The following PCSK6 variants were observed in gnomAD, a reference collection of about 807,000 sequenced individuals.
The protein encoded by PCSK6 is paired basic amino acid cleaving enzyme 4.
PCSK6 carries 85 observed loss-of-function variants against 123.3 expected under a neutral mutation model. The ratio of observed to expected loss-of-function variants is 0.69; its 90% CI spans 0.58 to 0.83. The LOEUF (loss-of-function observed/expected upper bound fraction) is 0.83. PCSK6 is among the 40% of genes least tolerant of loss of function. The probability of loss-of-function intolerance (pLI) is 0.00; values close to 1 mark genes in which losing one functional copy is unlikely to be tolerated. For missense variants in PCSK6, 1,191 were observed against 1,282.3 expected (o/e 0.93, Z 1.09); for synonymous variants, 508 against 516.0 (o/e 0.98, Z 0.21).
At chr15:101,368,466 G>C (rs2041467118) in intron 12 of PCSK6, among the ~76,000 whole-genome samples, 2 of 152,208 alleles carry the variant, frequency 1.3e-5, no homozygotes, top group Admixed American at 6.5e-5. Flanking sequence ...GGAATAAAGA[G>C]AGGCAAAGGG....
chr15:101,326,252 C>T (rs2040249269), intron 16 of PCSK6, 125 bp downstream of exon 16: 1 of 688,702 alleles, frequency 1.5e-6, no homozygotes, highest in African/African-American at 1.8e-5. Flanking sequence ...CAGTTAACTT[C>T]AGTGTGATGA....
At chr15:101,465,141 T>C (rs1193358215) in intron 1 of PCSK6, among the ~76,000 whole-genome samples, 3 of 152,214 alleles carry the variant, frequency 2.0e-5, no homozygotes, top group African/African-American at 7.2e-5. Context: ...GCTGGGACCC[T>C]TTAAGAAAGG....
intron 1 of PCSK6, among the ~76,000 whole-genome samples, chr15:101,450,778 G>T (rs189255031): frequency 2.0e-5 from 3 of 152,054 alleles, no homozygotes; most frequent in Non-Finnish European, 4.4e-5. Context: ...CTCAGTCCCC[G>T]TCCCAGGACA....
chr15:101,368,290 A>G (rs1232328147), intron 12 of PCSK6, among the ~76,000 whole-genome samples: 1 of 152,152 alleles, frequency 6.6e-6, no homozygotes, highest in African/African-American at 2.4e-5. Flanking sequence ...GGAGCGGGAG[A>G]GGGGAGGCTG....
Position 101,489,466 on chromosome 15 carries a change from CGGGGCGCGGCG to C in PCSK6, c.194_204del (p.Pro65ArgfsTer48). On this transcript the variant is annotated frameshift_variant, in exon 1 of 22. Coordinates refer to ENST00000611716, the MANE Select transcript of PCSK6 (RefSeq NM_002570.5). LOFTEE classifies it high-confidence loss of function. ...TGCACCGCCCAGTGGTTGGTGTAGACGGGGCGCGGCGGGGGCGCGGAGCAGGCGGCAGGCAG... is the reference window on the plus strand; with the variant it reads ...TGCACCGCCCAGTGGTTGGTGTAGACGGGGCGCGGAGCAGGCGGCAGGCAG... 1 of 1,106,052 alleles carries C rather than the reference CGGGGCGCGGCG, an allele frequency of 9.0e-7. No individual in the cohort carries two copies. Among genetic ancestry groups the C allele is most frequent in the Non-Finnish European group, 1.1e-6 (1 of 907,466 alleles). 68.5% of individuals were successfully genotyped at this position (1,106,052 alleles called of 1,614,324 possible).
intron 1 of PCSK6, among the ~76,000 whole-genome samples, chr15:101,454,980 G>GAATGAATAAATAAATA (rs1322359266): frequency 6.3e-4 from 62 of 97,928 alleles, no homozygotes; most frequent in African/African-American, 2.1e-3. Context: ...ATGAATGAAT[G>GAATGAATAAATAAATA]AATAAATAAA....
chr15:101,480,406 C>T (rs896959507), intron 1 of PCSK6, among the ~76,000 whole-genome samples: 1 of 152,372 alleles, frequency 6.6e-6, no homozygotes, highest in African/African-American at 2.4e-5. Flanking sequence ...CAAGGCAAGA[C>T]AATGAGACTT....
At position 101,489,398 on chromosome 15, in the gene PCSK6, C is replaced by G; in HGVS notation, c.273G>C (p.Ala91=). ...GPAEADRVAA[A]HGYLNLGQIG... ...CCTGGCCCAAGTTGAGGTACCCGTG[C>G]GCCGCCGCCACGCGGTCCGCCTCGG... Residue 91 remains alanine (A), a synonymous_variant, in exon 1 of 22, where the codon GCG becomes GCC. Transcript: ENST00000611716. 1 of 1,270,434 alleles carries G rather than the reference C, an allele frequency of 7.9e-7. No individual in the cohort carries two copies. The allele number at this position is 1,270,434 out of a possible 1,614,324, so 78.7% of individuals were successfully genotyped here.
chr15:101,366,461 G>C (rs1224828042), intron 12 of PCSK6, 129 bp from the exon 13 acceptor site: 1 of 914,880 alleles, frequency 1.1e-6, no homozygotes, highest in Non-Finnish European at 1.6e-6. Flanking sequence ...GGTAGCGGGG[G>C]TCTGGCCCCA....
intron 16 of PCSK6, among the ~76,000 whole-genome samples, chr15:101,325,311 T>A (rs2040226761): frequency 6.6e-6 from 1 of 152,160 alleles, no homozygotes; most frequent in Non-Finnish European, 1.5e-5. Flanking sequence ...AAGGGCATCG[T>A]GAGGTTCGTA....
intron 6 of PCSK6, among the ~76,000 whole-genome samples, chr15:101,425,357 A>G (rs551709768): frequency 6.6e-6 from 1 of 152,134 alleles, no homozygotes; most frequent in Non-Finnish European, 1.5e-5. Context: ...TCTCCCTCCA[A>G]GCCCACCTCT....
intron 6 of PCSK6, among the ~76,000 whole-genome samples, chr15:101,404,036 T>A (rs537542172): frequency 6.6e-6 from 1 of 152,378 alleles, no homozygotes; most frequent in East Asian, 1.9e-4. Context: ...AAGTGATACA[T>A]TGTTTAATTT....
chr15:101,422,475 A>G (rs919899635), intron 6 of PCSK6, among the ~76,000 whole-genome samples: 3 of 152,184 alleles, frequency 2.0e-5, no homozygotes, highest in African/African-American at 7.2e-5. Flanking sequence ...TGAAATACCA[A>G]AAGGGTCATG....
At chr15:101,357,703 A>C (rs2041085933) in intron 13 of PCSK6, among the ~76,000 whole-genome samples, 1 of 152,230 alleles carries the variant, frequency 6.6e-6, no homozygotes, top group Non-Finnish European at 1.5e-5. Flanking sequence ...CTTATTGCGA[A>C]CAATGCCTAC....
chr15:101,325,009 C>T lies in PCSK6; in HGVS notation c.2218G>A (p.Asp740Asn). Residue 740 changes from aspartate to asparagine, a missense_variant, in exon 17 of 22, where the codon GAC becomes AAC. Physicochemically the swap from Asp to Asn is conservative, Grantham distance 23. This residue lies in a region of PCSK6 where 630 missense variants were observed against 631.4 expected (regional missense o/e 1.00). Transcript: ENST00000611716. Reference sequence around the variant, plus strand: ...CGGCGACAGCGTCTTGCTGCTGTGTCCCCAAAGTAGCCCAAGGGGCACACA... The same window carrying T: ...CGGCGACAGCGTCTTGCTGCTGTGTTCCCAAAGTAGCCCAAGGGGCACACA... ...VSVCPLGYFGDTAARRCRRCH... is the reference protein window; with the variant it reads ...VSVCPLGYFGNTAARRCRRCH... 1.9e-6 allele frequency: 3 copies of T among 1,611,954 alleles called. No individual in the cohort carries two copies. The highest frequency in any genetic ancestry group is 2.5e-6 in the Non-Finnish European group (3 of 1,179,808).
intron 9 of PCSK6, 31 bp from the exon 10 acceptor site, chr15:101,384,456 C>CACAGCTCA: frequency 1.3e-6 from 2 of 1,586,942 alleles, no homozygotes; most frequent in South Asian, 2.2e-5. Flanking sequence ...CTAGAGTCCA[C>CACAGCTCA]ACAGCTCAAC....
chr15:101,331,048 C>A (rs779684469), intron 15 of PCSK6, among the ~76,000 whole-genome samples: 3 of 152,208 alleles, frequency 2.0e-5, no homozygotes, highest in Non-Finnish European at 4.4e-5. Flanking sequence ...ACCAGAAATA[C>A]CTCTTCTCAC....
At position 101,326,446 on chromosome 15, in the gene PCSK6, C is replaced by A. The variant is rs2040254861; in HGVS notation, c.2111G>T (p.Cys704Phe). The A allele has an allele frequency of 1.3e-6, 2 of 1,584,836 alleles. No individual in the cohort carries two copies. The highest frequency in any genetic ancestry group is 8.6e-7 in the Non-Finnish European group (1 of 1,165,274). Residue 704 changes from cysteine (C) to phenylalanine (F), a missense_variant, in exon 16 of 22, where the codon TGT becomes TTT. Physicochemically the swap from Cys to Phe is radical, Grantham distance 205. Around this residue, in one of 3 missense-constraint regions of PCSK6, gnomAD observed 630 missense variants for 631.4 expected, o/e 1.00. Coordinates refer to ENST00000611716, the MANE Select transcript of PCSK6 (RefSeq NM_002570.5). ...VCHPECGDKG[C>F]DGPNADQCLN... is the part of the protein sequence containing the mutation. Reference sequence around the variant, plus strand: ...GCACTGGTCTGCATTGGGGCCATCACAGCCTTTGTCACCACACTCCGGATG... The same window carrying A: ...GCACTGGTCTGCATTGGGGCCATCAAAGCCTTTGTCACCACACTCCGGATG...
chr15:101,392,000 G>A (rs1011296814), intron 8 of PCSK6, among the ~76,000 whole-genome samples: 1 of 152,196 alleles, frequency 6.6e-6, no homozygotes, highest in African/African-American at 2.4e-5. Flanking sequence ...GACGTGATTC[G>A]TAATGCAAAT....
Sources: allele counts gnomAD v4.1 joint callset (sites outside exome capture counted in the v4.1 genomes callset), GRCh38; gene constraint gnomAD v4.1.1; regional missense constraint gnomAD v4.1.1; transcripts MANE v1.5; gene names NCBI Gene and HGNC (gene_info 2026-07-23, HGNC 2026-07-21).